Variants in FAM135B observed in about 807,000 individuals in gnomAD.
The protein encoded by FAM135B is protein FAM135B.
In FAM135B, 43 loss-of-function variants were observed where a neutral mutation model predicts 127.7. The ratio of observed to expected loss-of-function variants is 0.34; its 90% CI spans 0.26 to 0.43. The LOEUF (loss-of-function observed/expected upper bound fraction) is 0.43. FAM135B is among the 20% of genes least tolerant of loss of function. The pLI, the probability that FAM135B is intolerant of heterozygous loss-of-function variation, is 1.00. For synonymous variants in FAM135B, 670 were observed against 665.1 expected, an observed-to-expected ratio of 1.01 and a Z score of -0.11; for missense variants, 1,558 against 1,725.6, an observed-to-expected ratio of 0.90 and a Z score of 1.72.
intron 3 of FAM135B, among the ~76,000 whole-genome samples, chr8:138,278,488 T>C (rs1824003310): frequency 6.6e-6 from 1 of 151,694 alleles, no homozygotes; most frequent in Non-Finnish European, 1.5e-5. Flanking sequence ...ACAGTGCTGC[T>C]TTAGACCACT....
At chr8:138,175,200 C>T (rs1438301686) in intron 11 of FAM135B, among the ~76,000 whole-genome samples, 2 of 152,190 alleles carry the variant, frequency 1.3e-5, no homozygotes, top group Non-Finnish European at 2.9e-5. Context: ...TACCACAGTA[C>T]ACAATCCAAA....
intron 16 of FAM135B, among the ~76,000 whole-genome samples, chr8:138,142,276 A>ATTCTGC: frequency 7.8e-6 from 1 of 128,458 alleles, no homozygotes; most frequent in Non-Finnish European, 1.6e-5. Flanking sequence ...TGGGCAACTC[A>ATTCTGC]TTCTGCTTCT....
At chr8:138,196,866 C>T (rs1422159235) in intron 8 of FAM135B, among the ~76,000 whole-genome samples, 1 of 152,226 alleles carries the variant, frequency 6.6e-6, no homozygotes, top group Non-Finnish European at 1.5e-5. Context: ...TTCTGCCACA[C>T]ATTACTGTGT....
intron 3 of FAM135B, among the ~76,000 whole-genome samples, chr8:138,278,560 T>A (rs1824009702): frequency 8.2e-6 from 1 of 122,138 alleles, no homozygotes; most frequent in South Asian, 3.1e-4. Flanking sequence ...ATGATTTTTT[T>A]TTTTTTTTTT....
chr8:138,374,773 C>A (rs2131255818), intron 1 of FAM135B, among the ~76,000 whole-genome samples: 1 of 152,276 alleles, frequency 6.6e-6, no homozygotes, highest in South Asian at 2.1e-4. Context: ...GCCCTTTCTC[C>A]ACTTCTGTCG....
chr8:138,172,841 C>CT (rs1446219762), intron 11 of FAM135B, among the ~76,000 whole-genome samples: 2 of 152,198 alleles, frequency 1.3e-5, no homozygotes, highest in Admixed American at 1.3e-4. Flanking sequence ...TGAACTCTGC[C>CT]TTTGCCTTTT....
chr8:138,329,000 A>G (rs1046282469), intron 2 of FAM135B, among the ~76,000 whole-genome samples: 4 of 152,240 alleles, frequency 2.6e-5, no homozygotes, highest in African/African-American at 7.2e-5. Flanking sequence ...GAAACAAACA[A>G]AACACCCACA....
chr8:138,405,175 A>C (rs1045490064), intron 1 of FAM135B, among the ~76,000 whole-genome samples: 13 of 151,896 alleles, frequency 8.6e-5, no homozygotes, highest in African/African-American at 4.8e-5. Context: ...TTGGGTGAAC[A>C]GGTGCATTTT....
chr8:138,191,447 C>T (rs75684501), intron 9 of FAM135B, among the ~76,000 whole-genome samples: 5,754 of 152,242 alleles, frequency 0.038, 214 homozygotes, highest in African/African-American at 0.096. Context: ...TCAGTCATTT[C>T]CTCACCTTTT....
At chr8:138,220,603 G>T (rs74689345) in intron 7 of FAM135B, among the ~76,000 whole-genome samples, 8,500 of 152,174 alleles carry the variant, frequency 0.056, 320 homozygotes, top group East Asian at 0.15. Flanking sequence ...CATATCTAAC[G>T]CATTGTAAGT....
At chr8:138,237,150 ATTTTT>A (rs10604150) in intron 7 of FAM135B, among the ~76,000 whole-genome samples, 4 of 101,338 alleles carry the variant, frequency 3.9e-5, no homozygotes, top group African/African-American at 1.2e-4. Flanking sequence ...TGGATCCTTG[ATTTTT>A]TTTTTTTTTT....
chr8:138,262,785 C>G (rs1458413863), intron 4 of FAM135B, among the ~76,000 whole-genome samples: 1 of 150,802 alleles, frequency 6.6e-6, no homozygotes. Context: ...CACTGTAATC[C>G]CAGCTACTCA....
intron 2 of FAM135B, among the ~76,000 whole-genome samples, chr8:138,360,316 AAT>A: frequency 6.6e-6 from 1 of 152,342 alleles, no homozygotes; most frequent in Middle Eastern, 3.4e-3. Context: ...ATGATTAACA[AAT>A]ATCTATGTAA....
At chr8:138,315,268 T>C (rs1312639438) in intron 2 of FAM135B, among the ~76,000 whole-genome samples, 1 of 152,142 alleles carries the variant, frequency 6.6e-6, no homozygotes, top group East Asian at 1.9e-4. Flanking sequence ...CACAACAACA[T>C]GTCACCTCAT....
intron 1 of FAM135B, among the ~76,000 whole-genome samples, chr8:138,469,474 G>C (rs781566816): frequency 1.7e-4 from 26 of 151,968 alleles, no homozygotes; most frequent in Non-Finnish European, 2.9e-4. Context: ...AAAGGAGCAG[G>C]GTGTGTGTGT....
chr8:138,156,110 T>G (rs1486232606), intron 12 of FAM135B, among the ~76,000 whole-genome samples: 1 of 152,188 alleles, frequency 6.6e-6, no homozygotes, highest in Non-Finnish European at 1.5e-5. Context: ...CAGACCATAG[T>G]GCAATCAAAT....
chr8:138,467,454 C>T (rs973250295), intron 1 of FAM135B, among the ~76,000 whole-genome samples: 5 of 152,094 alleles, frequency 3.3e-5, no homozygotes, highest in Admixed American at 6.6e-5. Context: ...TTCAAGTGTT[C>T]GGTAACCACA....
intron 2 of FAM135B, among the ~76,000 whole-genome samples, chr8:138,351,085 T>C (rs16908893): frequency 0.032 from 4,909 of 152,236 alleles, 158 homozygotes; most frequent in East Asian, 0.17. Context: ...CAAAATTTTG[T>C]TACTTCACAT....
intron 1 of FAM135B, among the ~76,000 whole-genome samples, chr8:138,482,959 A>G (rs1336790655): frequency 6.6e-6 from 1 of 152,154 alleles, no homozygotes; most frequent in African/African-American, 2.4e-5. Context: ...AATTCATTTA[A>G]TGACTCCATA....
Sources: allele counts gnomAD v4.1 joint callset (sites outside exome capture counted in the v4.1 genomes callset), GRCh38; gene constraint gnomAD v4.1.1; transcripts MANE v1.5; gene names NCBI Gene and HGNC (gene_info 2026-07-23, HGNC 2026-07-21).